The following CDKAL1 variants were observed in gnomAD, a reference collection of about 807,000 sequenced individuals.
CDKAL1 encodes CDKAL1 threonylcarbamoyladenosine tRNA methylthiotransferase.
Under a neutral mutation model 68.2 loss-of-function variants are expected in CDKAL1, and 32 were observed. That is an observed-to-expected ratio of 0.47 (90% confidence interval 0.35 to 0.63). The LOEUF (loss-of-function observed/expected upper bound fraction) is 0.63. Among genes scored for constraint, CDKAL1 ranks in the 30% least tolerant of loss-of-function variants. The pLI is 0.00. For synonymous variants in CDKAL1, 234 were observed against 244.3 expected, an observed-to-expected ratio of 0.96 and a Z score of 0.39; for missense variants, 606 against 696.7, an observed-to-expected ratio of 0.87 and a Z score of 1.47.
chr6:20,545,920 T>A (rs1228000716), intron 2 of CDKAL1, among the ~76,000 whole-genome samples: 1 of 152,262 alleles, frequency 6.6e-6, no homozygotes, highest in Admixed American at 6.5e-5. Context: ...TTATCTAATA[T>A]CCAGCTTATA....
At chr6:21,152,230 A>T (rs1246785027) in intron 13 of CDKAL1, among the ~76,000 whole-genome samples, 35 of 152,138 alleles carry the variant, frequency 2.3e-4, no homozygotes, top group Admixed American at 2.3e-3. Context: ...AGATCCCTTC[A>T]GCCTGTCCTG....
At chr6:20,578,973 A>G (rs984528994) in intron 4 of CDKAL1, among the ~76,000 whole-genome samples, 2 of 152,192 alleles carry the variant, frequency 1.3e-5, no homozygotes, top group Non-Finnish European at 2.9e-5. Context: ...GATTCGTCTT[A>G]TACAATCTGT....
intron 12 of CDKAL1, among the ~76,000 whole-genome samples, chr6:21,065,440 A>G (rs535281167): frequency 6.6e-6 from 1 of 152,130 alleles, no homozygotes; most frequent in East Asian, 1.9e-4. Flanking sequence ...TCTTTTGAAC[A>G]GTAAAATTCA....
chr6:20,652,370 C>T (rs1277901206), intron 5 of CDKAL1, among the ~76,000 whole-genome samples: 3 of 152,136 alleles, frequency 2.0e-5, no homozygotes, highest in African/African-American at 2.4e-5. Flanking sequence ...TGGCTTTCAA[C>T]GGAATTGCAC....
At chr6:20,889,891 G>A (rs1469032308) in intron 9 of CDKAL1, among the ~76,000 whole-genome samples, 1 of 152,026 alleles carries the variant, frequency 6.6e-6, no homozygotes, top group African/African-American at 2.4e-5. Flanking sequence ...TTCCAATTCT[G>A]TGAAGAAAGT....
chr6:20,912,883 T>C (rs1167095203), intron 9 of CDKAL1, among the ~76,000 whole-genome samples: 1 of 152,030 alleles, frequency 6.6e-6, no homozygotes, highest in Non-Finnish European at 1.5e-5. Context: ...ATTTACTGAT[T>C]CTCCATTAAA....
rs143652200 is a variant in CDKAL1, at chr6:20,888,759, C to T, written c.742+42581C>T. Among the ~76,000 whole-genome samples the T allele has an allele frequency of 5.7e-3, 867 of 152,166 alleles. 14 individuals carry two copies. The highest frequency in any genetic ancestry group is 0.019 in the African/African-American group (805 of 41,484). Reference sequence around the variant, plus strand: ...TGTATATGTGCCACCTTTTCTTAATCCAGTCTGTCGTTGTTGGACGTTTGG... The same window carrying T: ...TGTATATGTGCCACCTTTTCTTAATTCAGTCTGTCGTTGTTGGACGTTTGG... On this transcript the variant is annotated intron_variant, in intron 9 of 15. Coordinates refer to ENST00000274695, the MANE Select transcript of CDKAL1 (RefSeq NM_017774.3).
At chr6:21,010,076 G>A (rs953499245) in intron 11 of CDKAL1, among the ~76,000 whole-genome samples, 3 of 152,052 alleles carry the variant, frequency 2.0e-5, no homozygotes, top group Non-Finnish European at 4.4e-5. Flanking sequence ...CGCATTGTGT[G>A]CATATATCAA....
intron 12 of CDKAL1, among the ~76,000 whole-genome samples, chr6:21,104,273 GT>G (rs1280833284): frequency 6.6e-6 from 1 of 152,120 alleles, no homozygotes; most frequent in Non-Finnish European, 1.5e-5. Flanking sequence ...TGCTTGGTAC[GT>G]TCATCCCAAT....
chr6:20,678,792 CAT>C lies in CDKAL1; in HGVS notation c.371+29416_371+29417del, dbSNP rs532910328. Among the ~76,000 whole-genome samples, 103 of 152,120 alleles carry C rather than the reference CAT, an allele frequency of 6.8e-4. 1 individual carries two copies. The highest frequency in any genetic ancestry group is 3.7e-3 in the East Asian group (19 of 5,178). On this transcript the variant is annotated intron_variant, in intron 5 of 15. Coordinates refer to ENST00000274695, the MANE Select transcript of CDKAL1 (RefSeq NM_017774.3). ...TTTTATTTACTATGTTTCTTTGTGA[CAT>C]GTGTTTTTTTCTTTAAATAAATAAA...
intron 7 of CDKAL1, among the ~76,000 whole-genome samples, chr6:20,768,009 T>C (rs966588270): frequency 6.6e-6 from 1 of 152,168 alleles, no homozygotes; most frequent in Non-Finnish European, 1.5e-5. Context: ...ATGCACTGTA[T>C]TGAGTAATAA....
chr6:21,228,969 C>T (rs557596449), intron 15 of CDKAL1, among the ~76,000 whole-genome samples: 123 of 152,304 alleles, frequency 8.1e-4, no homozygotes, highest in Non-Finnish European at 1.4e-3. Context: ...CTTGCCTCCC[C>T]CTGCCATGGG....
intron 9 of CDKAL1, among the ~76,000 whole-genome samples, chr6:20,866,941 C>T (rs1759939370): frequency 1.3e-5 from 2 of 152,124 alleles, no homozygotes; most frequent in Admixed American, 6.5e-5. Flanking sequence ...ATTCCTTTTG[C>T]ACTAAGCTAA....
chr6:20,641,179 A>C (rs1243984333), intron 4 of CDKAL1, among the ~76,000 whole-genome samples: 1 of 152,174 alleles, frequency 6.6e-6, no homozygotes, highest in Non-Finnish European at 1.5e-5. Context: ...TGTTTTTCTG[A>C]TGGATCACAG....
At chr6:21,017,856 C>T (rs957982934) in intron 11 of CDKAL1, among the ~76,000 whole-genome samples, 23 of 151,116 alleles carry the variant, frequency 1.5e-4, no homozygotes, top group Admixed American at 4.6e-4. Context: ...ATTTCTTATA[C>T]ATTAAAATAT....
At chr6:21,053,475 G>T (rs1193755213) in intron 11 of CDKAL1, among the ~76,000 whole-genome samples, 4 of 152,050 alleles carry the variant, frequency 2.6e-5, no homozygotes, top group Non-Finnish European at 1.5e-5. Context: ...GTTTCCCTTG[G>T]GTAGACACCT....
intron 8 of CDKAL1, among the ~76,000 whole-genome samples, chr6:20,818,308 T>A (rs4712553): frequency 0.64 from 98,034 of 152,024 alleles, 31,978 homozygotes; most frequent in African/African-American, 0.68. Context: ...TGGCTCACAT[T>A]TTTGCTTTTG....
intron 8 of CDKAL1, among the ~76,000 whole-genome samples, chr6:20,791,469 C>T (rs1775896988): frequency 6.6e-6 from 1 of 152,090 alleles, no homozygotes; most frequent in Non-Finnish European, 1.5e-5. Context: ...CCTCTAGCCT[C>T]ATTTTCTGCT....
chr6:21,165,386 G>C (rs1233428039), intron 13 of CDKAL1, among the ~76,000 whole-genome samples: 1 of 152,192 alleles, frequency 6.6e-6, no homozygotes, highest in African/African-American at 2.4e-5. Context: ...AAAAATAGCT[G>C]ATAGCTAATG....
Sources: allele counts gnomAD v4.1 joint callset (sites outside exome capture counted in the v4.1 genomes callset), GRCh38; gene constraint gnomAD v4.1.1; transcripts MANE v1.5; gene names NCBI Gene and HGNC (gene_info 2026-07-23, HGNC 2026-07-21).